The following NAA11 variants were observed in gnomAD, a reference collection of about 807,000 sequenced individuals.
NAA11 encodes the protein N-alpha-acetyltransferase 11.
Under a neutral mutation model 16.1 loss-of-function variants are expected in NAA11, and 15 were observed. That is an observed-to-expected ratio of 0.93 (90% CI 0.62 to 1.44). The LOEUF (loss-of-function observed/expected upper bound fraction) is 1.44. Among genes scored for constraint, NAA11 ranks in the 40% most tolerant of loss-of-function variants. NAA11 has a pLI of 0.00. For missense variants in NAA11, 298 were observed against 291.3 expected (o/e 1.02, Z -0.17); for synonymous variants, 122 against 112.4 (o/e 1.09, Z -0.54).
At chr4:79,270,341 C>A in intron 2 of NAA11, among the ~76,000 whole-genome samples, 1 of 152,016 alleles carries the variant, frequency 6.6e-6, no homozygotes, top group Non-Finnish European at 1.5e-5. Context: ...GAAGTTGAAT[C>A]TCTTAATAGA....
intron 2 of NAA11, among the ~76,000 whole-genome samples, chr4:79,267,416 G>T (rs1722377583): frequency 1.3e-5 from 2 of 152,278 alleles, no homozygotes; most frequent in South Asian, 4.1e-4. Flanking sequence ...AATATTTAAT[G>T]AGATTCAGAC....
chr4:79,283,323 A>T (rs983977399), intron 2 of NAA11, among the ~76,000 whole-genome samples: 4 of 152,092 alleles, frequency 2.6e-5, no homozygotes, highest in African/African-American at 9.7e-5. Flanking sequence ...AATGAAAATG[A>T]TCAAATGGAG....
At chr4:79,190,295 A>C in the NAA11 span, among the ~76,000 whole-genome samples, 2 of 152,210 alleles carry the variant, frequency 1.3e-5, no homozygotes, top group African/African-American at 4.8e-5. Flanking sequence ...ATTTTGAAAA[A>C]GTATTTTAAA....
At chr4:79,205,313 C>T in the NAA11 span, among the ~76,000 whole-genome samples, 1 of 151,782 alleles carries the variant, frequency 6.6e-6, no homozygotes, top group South Asian at 2.1e-4. Flanking sequence ...GTTTTCACTG[C>T]AGTTGTGCCG....
chr4:79,193,297 C>T, the NAA11 span, among the ~76,000 whole-genome samples: 16 of 152,252 alleles, frequency 1.1e-4, no homozygotes, highest in African/African-American at 3.4e-4. Flanking sequence ...GAAGTCCTTG[C>T]CCATGCCTAT....
intron 2 of NAA11, among the ~76,000 whole-genome samples, chr4:79,250,128 C>G (rs1721959960): frequency 6.6e-6 from 1 of 152,258 alleles, no homozygotes; most frequent in African/African-American, 2.4e-5. Context: ...TGCAATCCAC[C>G]CGCTATGAGG....
chr4:79,325,590 C>G lies in NAA11; in HGVS notation c.288G>C (p.Arg96Ser). 1.2e-6 allele frequency: 2 copies of G among 1,614,028 alleles called. No homozygotes were observed. Among genetic ancestry groups the G allele is most frequent in the Non-Finnish European group, 1.7e-6 (2 of 1,179,928 alleles). The change falls in exon 1 of 2, where the codon AGG becomes AGC. Residue 96 changes from arginine (R) to serine (S), a missense_variant. Transcript: ENST00000286794. ...TGGCGTTAAAGTTCTCTATCATGGC[C>G]CTGGAGGCCTGGTCCATCAGCTTCT... ...LAQKLMDQAS[R>S]AMIENFNAKY...
At position 79,322,966 on chromosome 4, in the gene NAA11, G is replaced by A. The variant is rs1393038692; in HGVS notation, c.*12+2210C>T. ...AATGGGATTAGTGTGTTATAGCTTC[G>A]GTTTTGGCATTAAAATGCAAAAAAA... On this transcript the variant is annotated intron_variant, in intron 1 of 1. Coordinates refer to ENST00000286794, the MANE Select transcript of NAA11 (RefSeq NM_032693.3). Among the ~76,000 whole-genome samples the A allele has an allele frequency of 5.3e-5, 8 of 151,962 alleles. 1 individual carries two copies. The highest frequency in any genetic ancestry group is 8.8e-5 in the Non-Finnish European group (6 of 67,990).
intron 2 of NAA11, among the ~76,000 whole-genome samples, chr4:79,278,576 C>T (rs1336175402): frequency 6.6e-6 from 1 of 152,120 alleles, no homozygotes; most frequent in African/African-American, 2.4e-5. Context: ...TCCAGAGTTA[C>T]ATCTGCCAGG....
chr4:79,187,778 C>G, the NAA11 span, among the ~76,000 whole-genome samples: 1 of 151,902 alleles, frequency 6.6e-6, no homozygotes, highest in East Asian at 1.9e-4. Flanking sequence ...GGGCTGATCA[C>G]GAGGTCAGGA....
chr4:79,272,588 G>C (rs551737251), intron 2 of NAA11, among the ~76,000 whole-genome samples: 1 of 152,066 alleles, frequency 6.6e-6, no homozygotes, highest in South Asian at 2.1e-4. Flanking sequence ...TGTTTCTTTT[G>C]ATTAGAAACT....
At chr4:79,189,078 G>A in the NAA11 span, among the ~76,000 whole-genome samples, 3 of 140,500 alleles carry the variant, frequency 2.1e-5, no homozygotes, top group African/African-American at 5.1e-5. Flanking sequence ...CCCGGGAGGC[G>A]GAGCTTGCAG....
At chr4:79,175,311 C>T in the NAA11 span, among the ~76,000 whole-genome samples, 1 of 152,070 alleles carries the variant, frequency 6.6e-6, no homozygotes, top group Non-Finnish European at 1.5e-5. Flanking sequence ...TAAGTGTATG[C>T]ATCACAAAAT....
the NAA11 span, among the ~76,000 whole-genome samples, chr4:79,189,145 C>CAAAAAAAAAAAAAAAAAAAAAAAAAAAAA: frequency 1.2e-4 from 5 of 42,298 alleles, 1 homozygote; most frequent in Non-Finnish European, 1.4e-4. Context: ...GACTCCATCT[C>CAAAAAAAAAAAAAAAAAAAAAAAAAAAAA]AAAAAAAAAA....
the NAA11 span, among the ~76,000 whole-genome samples, chr4:79,214,122 T>C: frequency 6.6e-6 from 1 of 152,208 alleles, no homozygotes; most frequent in Non-Finnish European, 1.5e-5. Flanking sequence ...CAGTTGCTGA[T>C]CATGAGTATT....
At chr4:79,222,574 A>G (rs1170347284), downstream of NAA11, among the ~76,000 whole-genome samples, 3 of 149,696 alleles carry the variant, frequency 2.0e-5, no homozygotes, top group Non-Finnish European at 3.0e-5. Context: ...CATTCAGGAC[A>G]TAGGCATGGG....
intron 2 of NAA11, chr4:79,227,855 C>T (rs1482927306): frequency 6.6e-6 from 1 of 151,988 alleles, no homozygotes; most frequent in Non-Finnish European, 1.5e-5. Flanking sequence ...GCCATAAAAA[C>T]AAGTCACTTC....
chr4:79,162,203 C>T, the NAA11 span, among the ~76,000 whole-genome samples: 1 of 151,956 alleles, frequency 6.6e-6, no homozygotes, highest in African/African-American at 2.4e-5. Context: ...GAACTTGGCC[C>T]CTGTAATTTT....
intron 2 of NAA11, among the ~76,000 whole-genome samples, chr4:79,274,988 A>G (rs1195814246): frequency 1.3e-5 from 2 of 152,096 alleles, no homozygotes; most frequent in Non-Finnish European, 2.9e-5. Flanking sequence ...GGACCTATGA[A>G]GCAGGCCAGA....
Sources: allele counts gnomAD v4.1 joint callset (sites outside exome capture counted in the v4.1 genomes callset), GRCh38; gene constraint gnomAD v4.1.1; transcripts MANE v1.5; gene names NCBI Gene and HGNC (gene_info 2026-07-23, HGNC 2026-07-21).